Variants in HAO1 observed in about 807,000 individuals in gnomAD.
The protein encoded by HAO1 is 2-Hydroxyacid oxidase 1.
HAO1 carries 34 observed loss-of-function variants against 39.7 expected under a neutral mutation model. The ratio of observed to expected loss-of-function variants is 0.86; its 90% CI spans 0.65 to 1.14. The LOEUF is 1.14. Among genes scored for constraint, HAO1 ranks in the 50% most tolerant of loss-of-function variants. The probability of loss-of-function intolerance (pLI) is 0.00; values close to 1 mark genes in which losing one functional copy is unlikely to be tolerated. For synonymous variants in HAO1, 172 were observed against 173.2 expected, an observed-to-expected ratio of 0.99 and a Z score of 0.05; for missense variants, 479 against 464.5, an observed-to-expected ratio of 1.03 and a Z score of -0.29.
chr20:7,940,339 C>G lies in HAO1; in HGVS notation c.84G>C (p.Arg28Ser). The G allele has an allele frequency of 6.2e-7, 1 of 1,611,224 alleles. No homozygotes were observed. The highest frequency in any genetic ancestry group is 8.5e-7 in the Non-Finnish European group (1 of 1,178,454). ...AAGTTTCTTCATCATTTGCCCCAGA[C>G]CTGTAATAGTCATATATAGACTTTG... ...VLPKSIYDYYRSGANDEETLA... is the reference protein window; with the variant it reads ...VLPKSIYDYYSSGANDEETLA... Residue 28 changes from arginine (R) to serine (S), a missense_variant, in exon 1 of 8, where the codon AGG becomes AGC. Physicochemically the swap from Arg to Ser is moderately radical, Grantham distance 110. Transcript: ENST00000378789.
chr20:7,923,848 GGTAGATATTTTCTT>G (rs1223394117), intron 2 of HAO1, among the ~76,000 whole-genome samples: 2 of 152,118 alleles, frequency 1.3e-5, no homozygotes, highest in Non-Finnish European at 2.9e-5. Context: ...AGAACCATGA[GGTAGATATTTTCTT>G]TCAAAAGGAC....
At chr20:7,896,732 CT>C (rs2050199640) in intron 4 of HAO1, among the ~76,000 whole-genome samples, 1 of 152,008 alleles carries the variant, frequency 6.6e-6, no homozygotes, top group Admixed American at 6.6e-5. Flanking sequence ...CTTTTCTTTT[CT>C]TTTTTCCATT....
At chr20:7,890,333 C>T (rs1248809299) in intron 5 of HAO1, among the ~76,000 whole-genome samples, 6 of 152,038 alleles carry the variant, frequency 3.9e-5, no homozygotes, top group Non-Finnish European at 5.9e-5. Flanking sequence ...CCTGCCTCGG[C>T]CTCCCAAGTA....
At chr20:7,935,907 C>A (rs1353014683) in intron 1 of HAO1, among the ~76,000 whole-genome samples, 3 of 152,128 alleles carry the variant, frequency 2.0e-5, no homozygotes, top group Non-Finnish European at 4.4e-5. Flanking sequence ...ATCTAACCAG[C>A]ATTCACCTAG....
rs185759833 is a variant in HAO1, at chr20:7,905,155, A to T, written c.721+999T>A. 2.1e-3 allele frequency among the ~76,000 whole-genome samples: 327 copies of T among 152,326 alleles called. 1 individual carries two copies. Among genetic ancestry groups the T allele is most frequent in the Admixed American group, 3.1e-3 (47 of 15,306 alleles). On this transcript the variant is annotated intron_variant, in intron 4 of 7. Coordinates refer to ENST00000378789, the MANE Select transcript of HAO1 (RefSeq NM_017545.3). Reference sequence around the variant, plus strand: ...CTATGCATATGTACAACTATTATATATCGATTTAAAAAACTAATTTAATTT... The same window carrying T: ...CTATGCATATGTACAACTATTATATTTCGATTTAAAAAACTAATTTAATTT...
chr20:7,914,192 T>A lies in HAO1; in HGVS notation c.517A>T (p.Asn173Tyr). The change falls in exon 3 of 8, where the codon AAC (asparagine) becomes TAC (tyrosine). Residue 173 changes from asparagine (N) to tyrosine (Y), a missense_variant. Asn to Tyr is a moderately radical substitution (Grantham distance 143). Coordinates refer to ENST00000378789, the MANE Select transcript of HAO1 (RefSeq NM_017545.3). ...YLGNRLDDVR[N>Y]RFKLPPQLRM... ...AGTTGTGGCGGCAGTTTGAATCTGTTACGCACATCATCCAGACGGTTGCCC... is the reference window on the plus strand; with the variant it reads ...AGTTGTGGCGGCAGTTTGAATCTGTAACGCACATCATCCAGACGGTTGCCC... The A allele has an allele frequency of 6.2e-7, 1 of 1,614,076 alleles. No homozygotes were observed. Among genetic ancestry groups the A allele is most frequent in the Non-Finnish European group, 8.5e-7 (1 of 1,179,968 alleles).
Position 7,906,156 on chromosome 20 carries a change from C to G in HAO1, c.719G>C (p.Arg240Thr). 6.2e-7 allele frequency: 1 copy of G among 1,609,044 alleles called. No individual in the cohort carries two copies. ...SLPIVAKGILRGDDAREAVKH... is the reference protein window; with the variant it reads ...SLPIVAKGILTGDDAREAVKH... Reference sequence around the variant, plus strand: ...TTCAAGTAGAGAAATAAACGAACCTCTCAAAATGCCCTTTGCAACAATTGG... The same window carrying G: ...TTCAAGTAGAGAAATAAACGAACCTGTCAAAATGCCCTTTGCAACAATTGG... Residue 240 changes from arginine to threonine, a missense_variant and splice_region_variant, in exon 4 of 8, where the codon AGA (arginine) becomes ACA (threonine). Arg to Thr is a moderately conservative substitution (Grantham distance 71, BLOSUM62 -1). Coordinates refer to ENST00000378789, the MANE Select transcript of HAO1 (RefSeq NM_017545.3).
At chr20:7,934,983 A>C (rs2122801195) in intron 1 of HAO1, among the ~76,000 whole-genome samples, 1 of 152,150 alleles carries the variant, frequency 6.6e-6, no homozygotes, top group Middle Eastern at 3.4e-3. Flanking sequence ...ATTCCCAAAA[A>C]AGTCCCCATT....
chr20:7,895,236 A>G lies in HAO1; in HGVS notation c.722-12T>C, dbSNP rs1287703813. On this transcript the variant is annotated splice_polypyrimidine_tract_variant and intron_variant, in intron 4 of 7. Coordinates refer to ENST00000378789, the MANE Select transcript of HAO1 (RefSeq NM_017545.3). Reference sequence around the variant, plus strand: ...CCTGGCATCATCACCTGGAGAGAGTAAAACAAGCACCTTAGGGAAACTGTA... The same window carrying G: ...CCTGGCATCATCACCTGGAGAGAGTGAAACAAGCACCTTAGGGAAACTGTA... The G allele has an allele frequency of 6.4e-7, 1 of 1,555,556 alleles. No individual in the cohort carries two copies. The highest frequency in any genetic ancestry group is 1.7e-5 in the Admixed American group (1 of 59,900).
At chr20:7,928,955 C>T (rs1008897602) in intron 2 of HAO1, among the ~76,000 whole-genome samples, 3 of 152,178 alleles carry the variant, frequency 2.0e-5, no homozygotes, top group Non-Finnish European at 4.4e-5. Context: ...AACCCCACAT[C>T]CCTGCTCCCT....
intron 2 of HAO1, among the ~76,000 whole-genome samples, chr20:7,918,512 C>T (rs1157991655): frequency 6.6e-6 from 1 of 152,216 alleles, no homozygotes; most frequent in African/African-American, 2.4e-5. Flanking sequence ...CCCCGAGTCT[C>T]TTCAATATGT....
At chr20:7,936,191 C>A (rs910588194) in intron 1 of HAO1, among the ~76,000 whole-genome samples, 1 of 152,122 alleles carries the variant, frequency 6.6e-6, no homozygotes, top group Admixed American at 6.6e-5. Context: ...TGTGTGATTT[C>A]TATGCTATTC....
intron 3 of HAO1, 81 bp from the exon 4 acceptor site, chr20:7,906,410 C>A (rs939590810): frequency 3.3e-5 from 26 of 797,366 alleles, no homozygotes; most frequent in Non-Finnish European, 5.5e-5. Context: ...AAAAATGTTA[C>A]CCTTTTCAAA....
chr20:7,908,849 C>T lies in HAO1; in HGVS notation c.546-2520G>A, dbSNP rs950029311. On this transcript the variant is annotated intron_variant, in intron 3 of 7. Transcript: ENST00000378789. ...TCACCCTAATTTGAATAAAGCTAAC[C>T]GCTGGTCAATAAACACATCTTTACC... 3.1e-4 allele frequency among the ~76,000 whole-genome samples: 47 copies of T among 152,176 alleles called. 2 individuals carry two copies. Among genetic ancestry groups the T allele is most frequent in the African/African-American group, 7.0e-4 (29 of 41,536 alleles).
At chr20:7,897,597 T>TA (rs1174448805) in intron 4 of HAO1, among the ~76,000 whole-genome samples, 1 of 152,072 alleles carries the variant, frequency 6.6e-6, no homozygotes, top group African/African-American at 2.4e-5. Context: ...TCCCCTTTTT[T>TA]AAAAAAATCA....
intron 3 of HAO1, among the ~76,000 whole-genome samples, chr20:7,909,383 A>ATATATATATATATATG (rs2050266205): frequency 8.8e-5 from 11 of 124,812 alleles, no homozygotes; most frequent in East Asian, 5.4e-4. Flanking sequence ...ATATATGTAT[A>ATATATATATATATATG]TATATATATA....
At chr20:7,904,861 T>C (rs898386141) in intron 4 of HAO1, among the ~76,000 whole-genome samples, 2 of 152,196 alleles carry the variant, frequency 1.3e-5, no homozygotes, top group African/African-American at 4.8e-5. Context: ...CACAGTTGAA[T>C]GCAGCCACAG....
chr20:7,910,976 T>C (rs1397408216), intron 3 of HAO1, among the ~76,000 whole-genome samples: 14 of 152,170 alleles, frequency 9.2e-5, no homozygotes, highest in African/African-American at 2.9e-4. Context: ...CCATTCCTAA[T>C]GTCAAGACTC....
intron 5 of HAO1, among the ~76,000 whole-genome samples, chr20:7,890,960 G>A (rs1793089671): frequency 6.6e-6 from 1 of 152,118 alleles, no homozygotes; most frequent in African/African-American, 2.4e-5. Context: ...ATGGGCTTTT[G>A]GGTTGGTTCC....
Sources: allele counts gnomAD v4.1 joint callset (sites outside exome capture counted in the v4.1 genomes callset), GRCh38; gene constraint gnomAD v4.1.1; transcripts MANE v1.5; gene names NCBI Gene and HGNC (gene_info 2026-07-23, HGNC 2026-07-21).